Variants in NEGR1 observed in about 807,000 individuals in gnomAD.
The protein encoded by NEGR1 is IgLON family member 4.
Under a neutral mutation model 40.9 loss-of-function variants are expected in NEGR1, and 10 were observed. The ratio of observed to expected loss-of-function variants is 0.24; its 90% confidence interval spans 0.15 to 0.42. The LOEUF is 0.42. Among genes scored for constraint, NEGR1 ranks in the 10% least tolerant of loss-of-function variants. The pLI, the probability that NEGR1 is intolerant of heterozygous loss-of-function variation, is 1.00. For missense variants in NEGR1, 352 were observed against 438.9 expected, an observed-to-expected ratio of 0.80 and a Z score of 1.77; for synonymous variants, 185 against 166.8, an observed-to-expected ratio of 1.11 and a Z score of -0.84.
intron 3 of NEGR1, among the ~76,000 whole-genome samples, chr1:71,710,832 C>T (rs1654054616): frequency 6.6e-6 from 1 of 151,898 alleles, no homozygotes. Context: ...CACAATAGGG[C>T]AACTATAGCC....
chr1:71,397,376 G>T lies in NEGR1; in HGVS notation c.*10070C>A, dbSNP rs575234955. 1.3e-5 allele frequency: 2 copies of T among 154,062 alleles called. No individual in the cohort carries two copies. Among genetic ancestry groups the T allele is most frequent in the African/African-American group, 4.8e-5 (2 of 41,600 alleles). The allele number at this position is 154,062 out of a possible 1,614,324, so 9.5% of individuals were successfully genotyped here. On this transcript the variant is annotated 3_prime_UTR_variant, in exon 7 of 7. Coordinates refer to ENST00000357731, the MANE Select transcript of NEGR1 (RefSeq NM_173808.3). ...GAGTCTCACTTTGTCACCCAGGCAG[G>T]AGTGCAGTGGCATGATCTCAGCTCA... is the stretch of plus-strand genomic sequence containing the variant.
chr1:71,585,600 AC>A (rs1164671981), intron 6 of NEGR1, among the ~76,000 whole-genome samples: 1 of 151,656 alleles, frequency 6.6e-6, no homozygotes, highest in Non-Finnish European at 1.5e-5. Context: ...TATGTGCTGT[AC>A]CAGTAGCTTG....
At chr1:71,620,799 T>A (rs544708196) in intron 4 of NEGR1, among the ~76,000 whole-genome samples, 1 of 151,864 alleles carries the variant, frequency 6.6e-6, no homozygotes, top group East Asian at 1.9e-4. Flanking sequence ...ACCTTAAACA[T>A]TTACACAGTG....
At chr1:71,934,602 T>C (rs1343744185) in intron 2 of NEGR1, among the ~76,000 whole-genome samples, 1 of 152,164 alleles carries the variant, frequency 6.6e-6, no homozygotes, top group Admixed American at 6.6e-5. Context: ...AATATTTTCA[T>C]GTATCTATTG....
At chr1:72,203,301 G>C (rs1653279948) in intron 1 of NEGR1, among the ~76,000 whole-genome samples, 1 of 152,056 alleles carries the variant, frequency 6.6e-6, no homozygotes, top group African/African-American at 2.4e-5. Context: ...GTGTGAACAG[G>C]AGTTTGGAAG....
intron 1 of NEGR1, among the ~76,000 whole-genome samples, chr1:72,126,893 TA>T (rs1337978648): frequency 1.3e-5 from 2 of 152,204 alleles, no homozygotes; most frequent in Non-Finnish European, 2.9e-5. Flanking sequence ...CACCATCTTA[TA>T]AAAGGTATTT....
intron 1 of NEGR1, among the ~76,000 whole-genome samples, chr1:72,055,897 C>T (rs1044645650): frequency 4.0e-5 from 6 of 149,782 alleles, no homozygotes; most frequent in African/African-American, 1.2e-4. Context: ...AATCTGGCTT[C>T]TAGATACTAG....
intron 1 of NEGR1, among the ~76,000 whole-genome samples, chr1:71,998,691 C>T (rs1393911778): frequency 6.6e-6 from 1 of 151,510 alleles, no homozygotes; most frequent in Non-Finnish European, 1.5e-5. Flanking sequence ...CTTGCATTTA[C>T]ATTTTATATA....
intron 2 of NEGR1, among the ~76,000 whole-genome samples, chr1:71,812,605 T>C (rs1658042463): frequency 6.6e-6 from 1 of 152,162 alleles, no homozygotes. Context: ...TGGTGTGAGA[T>C]GGTATCTTAC....
chr1:72,211,397 GA>G (rs1653602163), intron 1 of NEGR1, among the ~76,000 whole-genome samples: 1 of 151,374 alleles, frequency 6.6e-6, no homozygotes, highest in Non-Finnish European at 1.5e-5. Flanking sequence ...CCAGATTTTG[GA>G]AAATGTTTTT....
At chr1:72,274,783 T>G (rs1017349807) in intron 1 of NEGR1, 32 of 1,405,102 alleles carry the variant, frequency 2.3e-5, no homozygotes, top group Non-Finnish European at 2.9e-5. Context: ...TGACCCCAGC[T>G]GTGTAAAAGA....
At chr1:72,117,704 G>C (rs1353911091) in intron 1 of NEGR1, among the ~76,000 whole-genome samples, 1 of 151,744 alleles carries the variant, frequency 6.6e-6, no homozygotes, top group African/African-American at 2.4e-5. Context: ...ATTCCGCAAT[G>C]GAAAATAAAT....
intron 1 of NEGR1, among the ~76,000 whole-genome samples, chr1:71,990,900 AT>A (rs2100357757): frequency 7.5e-6 from 1 of 133,080 alleles, no homozygotes; most frequent in South Asian, 2.7e-4. Context: ...CTGTAGGCAT[AT>A]ACATATATAT....
intron 1 of NEGR1, among the ~76,000 whole-genome samples, chr1:72,163,629 G>T (rs1375024353): frequency 1.3e-5 from 2 of 151,872 alleles, no homozygotes; most frequent in Non-Finnish European, 2.9e-5. Flanking sequence ...CCATATAGAA[G>T]CCAGGTCAAA....
At chr1:72,189,802 T>C (rs1271491484) in intron 1 of NEGR1, among the ~76,000 whole-genome samples, 1 of 151,600 alleles carries the variant, frequency 6.6e-6, no homozygotes, top group Non-Finnish European at 1.5e-5. Context: ...TATTATATTG[T>C]TCATGATACA....
intron 1 of NEGR1, among the ~76,000 whole-genome samples, chr1:72,066,916 CT>C (rs1647289507): frequency 6.6e-6 from 1 of 152,098 alleles, no homozygotes; most frequent in Admixed American, 6.6e-5. Context: ...AGACAGAATG[CT>C]AATGAAATAT....
In NEGR1 at chr1:71,813,517, T is replaced by C. The variant is rs377320918; in HGVS notation, c.410-37220A>G. Among the ~76,000 whole-genome samples the C allele has an allele frequency of 2.6e-5, 4 of 152,228 alleles. No homozygotes were observed. The East Asian group carries it at 7.7e-4, about 29-fold the overall frequency. On this transcript the variant is annotated intron_variant, in intron 2 of 6. Transcript: ENST00000357731. ...AAATAGCATTGAATCTATAAATTCT[T>C]TTGGAAACTATGGCCATTTTCATGA...
intron 4 of NEGR1, among the ~76,000 whole-genome samples, chr1:71,684,275 A>T (rs962211259): frequency 2.0e-5 from 3 of 152,128 alleles, no homozygotes; most frequent in African/African-American, 7.2e-5. Context: ...CATCTCAAAA[A>T]AAAATTATAA....
At chr1:72,161,596 A>G (rs1423913199) in intron 1 of NEGR1, among the ~76,000 whole-genome samples, 1 of 151,920 alleles carries the variant, frequency 6.6e-6, no homozygotes, top group East Asian at 1.9e-4. Context: ...CCCTAGATGT[A>G]AGCCAGGTAT....
Sources: allele counts gnomAD v4.1 joint callset (sites outside exome capture counted in the v4.1 genomes callset), GRCh38; gene constraint gnomAD v4.1.1; transcripts MANE v1.5; gene names NCBI Gene and HGNC (gene_info 2026-07-23, HGNC 2026-07-21).